The following BCL11B variants were observed in gnomAD, a reference collection of about 807,000 sequenced individuals.
The protein encoded by BCL11B is BCL11 transcription factor B, also known as B-cell lymphoma/leukemia 11B.
In BCL11B, 8 loss-of-function variants were observed where a neutral mutation model predicts 49.9. The ratio of observed to expected loss-of-function variants is 0.16; its 90% confidence interval spans 0.09 to 0.29. The LOEUF is 0.29. Among genes scored for constraint, BCL11B ranks in the 10% least tolerant of loss-of-function variants. The pLI, the probability that BCL11B is intolerant of heterozygous loss-of-function variation, is 1.00. For missense variants in BCL11B, 1,006 were observed against 1,351.0 expected (o/e 0.74, Z 4.00); for synonymous variants, 739 against 637.4 (o/e 1.16, Z -2.40).
chr14:99,232,027 CG>C lies in BCL11B; in HGVS notation c.428-471del, dbSNP rs1031061444. 1.3e-5 allele frequency among the ~76,000 whole-genome samples: 2 copies of C among 152,146 alleles called. No individual in the cohort carries two copies. Among genetic ancestry groups the C allele is most frequent in the African/African-American group, 4.8e-5 (2 of 41,430 alleles). On this transcript the variant is annotated intron_variant, in intron 2 of 3. Transcript: ENST00000357195. The surrounding 1 kb of genome is among the most constrained non-coding windows in gnomAD (Gnocchi z 5.1). ...TCAGGATGGGCTGTTCCTACAGGCC[CG>C]GGACACCTTGGGTCCGCCTCCAGCC...
chr14:99,174,064 G>T lies in BCL11B; in HGVS notation c.*87C>A. On this transcript the variant is annotated 3_prime_UTR_variant, in exon 4 of 4. Transcript: ENST00000357195. ...CCGGGGACACGCGGGGTGCGGGGTG[G>T]CGGTGACACGGAGGCAAGTCAGGTC... 1 of 1,369,370 alleles carries T rather than the reference G, an allele frequency of 7.3e-7. No individual in the cohort carries two copies. Among genetic ancestry groups the T allele is most frequent in the Middle Eastern group, 2.2e-4 (1 of 4,572 alleles). The allele number at this position is 1,369,370 out of a possible 1,614,324, so 84.8% of individuals were successfully genotyped here.
At chr14:99,201,362 C>T (rs977836524) in intron 3 of BCL11B, among the ~76,000 whole-genome samples, 2 of 152,152 alleles carry the variant, frequency 1.3e-5, no homozygotes, top group African/African-American at 4.8e-5. Flanking sequence ...GACAATGCTC[C>T]CCTCTCATCT....
chr14:99,175,189 C>A lies in BCL11B; in HGVS notation c.1647G>T (p.Glu549Asp). Residue 549 changes from glutamate to aspartate, a missense_variant, in exon 4 of 4, where the codon GAG becomes GAT. Glu to Asp is a conservative substitution (Grantham distance 45). Transcript: ENST00000357195. ...EEEEELLLEN[E>D]SRPESSFSMD... Reference sequence around the variant, plus strand: ...TGCTGAAGCTCGACTCGGGCCGGCTCTCGTTCTCCAGTAGCAGCTCCTCCT... The same window carrying A: ...TGCTGAAGCTCGACTCGGGCCGGCTATCGTTCTCCAGTAGCAGCTCCTCCT... 1 of 1,570,220 alleles carries A rather than the reference C, an allele frequency of 6.4e-7. No homozygotes were observed. Among genetic ancestry groups the A allele is most frequent in the Non-Finnish European group, 8.6e-7 (1 of 1,160,098 alleles).
chr14:99,234,967 G>C (rs1244515220), intron 2 of BCL11B, among the ~76,000 whole-genome samples: 1 of 151,840 alleles, frequency 6.6e-6, no homozygotes, highest in Non-Finnish European at 1.5e-5. Flanking sequence ...GCCTTCATGG[G>C]TTTAAGCATT....
chr14:99,249,774 T>C (rs888338875), intron 2 of BCL11B, among the ~76,000 whole-genome samples: 1 of 152,218 alleles, frequency 6.6e-6, no homozygotes, highest in Admixed American at 6.5e-5. Context: ...CACCAGTTAG[T>C]ATCTGCAGAG....
chr14:99,269,985 G>C (rs1388812437), intron 1 of BCL11B, among the ~76,000 whole-genome samples: 1 of 151,432 alleles, frequency 6.6e-6, no homozygotes, highest in Non-Finnish European at 1.5e-5. Context: ...GCCGCCCCGC[G>C]GGCTGCGGCG....
At chr14:99,222,643 T>A (rs1051217069) in intron 3 of BCL11B, among the ~76,000 whole-genome samples, 1 of 152,164 alleles carries the variant, frequency 6.6e-6, no homozygotes, top group Admixed American at 6.5e-5. Flanking sequence ...GGTGACTTTG[T>A]TTCCCTCTAT....
intron 1 of BCL11B, among the ~76,000 whole-genome samples, chr14:99,261,902 C>T (rs61985739): frequency 2.8e-4 from 42 of 152,218 alleles, no homozygotes; most frequent in Non-Finnish European, 5.1e-4. Flanking sequence ...CACAAACACA[C>T]GAGTTAGATT....
chr14:99,271,392 TTCC>T lies in BCL11B; in HGVS notation c.-177_-175del, dbSNP rs1397358314. ...TTTTCCCTTCCTCTCTTTCCCTCTC[TTCC>T]TCCTCTTCTTCTTCTTTATTTTGCT... is the stretch of plus-strand genomic sequence containing the variant. On this transcript the variant is annotated 5_prime_UTR_variant, in exon 1 of 4. Transcript: ENST00000357195. The T allele has an allele frequency of 3.3e-4, 96 of 294,898 alleles. No homozygotes were observed. The East Asian group carries it at 4.2e-3, about 13-fold the overall frequency. The allele number at this position is 294,898 out of a possible 1,614,324, so 18.3% of individuals were successfully genotyped here.
intron 1 of BCL11B, among the ~76,000 whole-genome samples, chr14:99,263,914 A>G (rs1889408010): frequency 6.6e-6 from 1 of 152,272 alleles, no homozygotes; most frequent in Non-Finnish European, 1.5e-5. Context: ...CTAAAAGGTT[A>G]CAAATAAAAG....
intron 3 of BCL11B, among the ~76,000 whole-genome samples, chr14:99,200,899 G>A (rs1887361177): frequency 6.6e-6 from 1 of 152,222 alleles, no homozygotes; most frequent in Non-Finnish European, 1.5e-5. Context: ...TGCATGGGAA[G>A]CAGCCCCCCA....
chr14:99,176,249 G>A (rs1453722282), intron 3 of BCL11B, 54 bp from the exon 4 acceptor site: 1 of 1,542,902 alleles, frequency 6.5e-7, no homozygotes, highest in East Asian at 2.3e-5. Flanking sequence ...CGGCAGCGGG[G>A]CGCGGGCACC....
Position 99,227,813 on chromosome 14 carries a change from CT to C in BCL11B, c.640+3531del, listed in dbSNP as rs1335668897. On this transcript the variant is annotated intron_variant, in intron 3 of 3. Transcript: ENST00000357195. ...CCCCACAGCCACTGTGCCAAATCCTCTATGTGAAATTTCTCAGGGAAGAAAT... is the reference window on the plus strand; with the variant it reads ...CCCCACAGCCACTGTGCCAAATCCTCATGTGAAATTTCTCAGGGAAGAAAT... 3.9e-4 allele frequency among the ~76,000 whole-genome samples: 60 copies of C among 152,288 alleles called. 1 individual carries two copies. The highest frequency in any genetic ancestry group is 3.9e-3 in the Admixed American group (60 of 15,298).
At chr14:99,193,538 CG>C (rs1887097450) in intron 3 of BCL11B, among the ~76,000 whole-genome samples, 1 of 152,116 alleles carries the variant, frequency 6.6e-6, no homozygotes, top group African/African-American at 2.4e-5. Context: ...CCGGAGAACT[CG>C]GATTCCGGCT....
intron 1 of BCL11B, among the ~76,000 whole-genome samples, chr14:99,266,301 T>G (rs982797244): frequency 1.3e-5 from 2 of 152,188 alleles, no homozygotes; most frequent in Non-Finnish European, 2.9e-5. Flanking sequence ...AACTCTCGAC[T>G]GTTCCCTGGG....
At chr14:99,199,101 A>G (rs1435121251) in intron 3 of BCL11B, among the ~76,000 whole-genome samples, 1 of 152,208 alleles carries the variant, frequency 6.6e-6, no homozygotes, top group East Asian at 1.9e-4. Flanking sequence ...AAAATGTGAG[A>G]TAATGAATAA....
intron 3 of BCL11B, among the ~76,000 whole-genome samples, chr14:99,177,773 C>T (rs1886582860): frequency 6.6e-6 from 1 of 152,014 alleles, no homozygotes; most frequent in Middle Eastern, 3.4e-3. Context: ...AAACAGTCCC[C>T]TGTCTCACTC....
At chr14:99,266,759 C>T (rs977171377) in intron 1 of BCL11B, among the ~76,000 whole-genome samples, 3 of 152,232 alleles carry the variant, frequency 2.0e-5, no homozygotes, top group African/African-American at 7.2e-5. Context: ...TGGCGCTAGG[C>T]GCGGCTCGGC....
Position 99,221,856 on chromosome 14 carries a change from C to T in BCL11B, c.640+9489G>A, listed in dbSNP as rs143105867. 4.5e-3 allele frequency among the ~76,000 whole-genome samples: 680 copies of T among 152,306 alleles called. 4 individuals are homozygous for T. The highest frequency in any genetic ancestry group is 0.015 in the African/African-American group (643 of 41,566). ...CTCTAGGGCAAGGACCCTGTCACGCCCATTTCTGGACCCTAGGGTCTAGCC... is the reference window on the plus strand; with the variant it reads ...CTCTAGGGCAAGGACCCTGTCACGCTCATTTCTGGACCCTAGGGTCTAGCC... On this transcript the variant is annotated intron_variant, in intron 3 of 3. Coordinates refer to ENST00000357195, the MANE Select transcript of BCL11B (RefSeq NM_138576.4).
Sources: allele counts gnomAD v4.1 joint callset (sites outside exome capture counted in the v4.1 genomes callset), GRCh38; gene constraint gnomAD v4.1.1; non-coding constraint Gnocchi (gnomAD v3.1); transcripts MANE v1.5; gene names NCBI Gene and HGNC (gene_info 2026-07-23, HGNC 2026-07-21).